Variants in MED4 observed in about 807,000 individuals in gnomAD.
The protein encoded by MED4 is mediator of RNA polymerase II transcription subunit 4.
MED4 carries 21 observed loss-of-function variants against 35.0 expected under a neutral mutation model. The ratio of observed to expected loss-of-function variants is 0.60; its 90% CI spans 0.43 to 0.86. The LOEUF is 0.86. Among genes scored for constraint, MED4 ranks in the 40% least tolerant of loss-of-function variants. The pLI, the probability that MED4 is intolerant of heterozygous loss-of-function variation, is 0.00. For missense variants in MED4, 300 were observed against 319.4 expected (o/e 0.94, Z 0.46); for synonymous variants, 138 against 114.0 (o/e 1.21, Z -1.34).
intron 1 of MED4, among the ~76,000 whole-genome samples, chr13:48,092,304 G>C (rs529882559): frequency 6.6e-6 from 1 of 151,822 alleles, no homozygotes; most frequent in South Asian, 2.1e-4. Flanking sequence ...TACAGATGGG[G>C]TTTCTCCCTG....
intron 6 of MED4, among the ~76,000 whole-genome samples, chr13:48,079,274 A>G (rs1325228271): frequency 2.6e-5 from 4 of 152,352 alleles, no homozygotes; most frequent in Admixed American, 1.3e-4. Context: ...ATGTTTCACA[A>G]TTATAAAAAA....
chr13:48,077,491 T>A, intron 6 of MED4, 180 bp from the exon 7 acceptor site: 1 of 447,532 alleles, frequency 2.2e-6, no homozygotes. Flanking sequence ...AATACATCAC[T>A]GAAGCCCTGA....
chr13:48,088,646 T>C (rs1301193748), intron 2 of MED4, among the ~76,000 whole-genome samples: 1 of 152,214 alleles, frequency 6.6e-6, no homozygotes, highest in Non-Finnish European at 1.5e-5. Context: ...ATATTCTCTT[T>C]AGATCTTATT....
In MED4 at chr13:48,086,347, C is replaced by T. The variant is rs758351612; in HGVS notation, c.298G>A (p.Val100Ile). 2 of 1,613,740 alleles carry T rather than the reference C, an allele frequency of 1.2e-6. No individual in the cohort carries two copies. Among genetic ancestry groups the T allele is most frequent in the East Asian group, 2.2e-5 (1 of 44,792 alleles). The change falls in exon 3 of 7, where the codon GTA becomes ATA. Residue 100 changes from valine (V) to isoleucine (I), a missense_variant. Transcript: ENST00000258648. ...TGAATATCACTGTCTCTCTTCTCTA[C>T]TTCTTTTTCTAAAACTTGCATTTCA... ...HHEMQVLEKE[V>I]EKRDSDIQQL...
rs577431385 is a variant in MED4 at position 48,076,329 on chromosome 13, A to C, written c.*810T>G. The stretch of plus-strand genomic sequence containing the variant: ...GGGAACTGTAAGAAGAGGAAGGTGA[A>C]GGGAAGAAATGGTTGCTTTCCATTC... On this transcript the variant is annotated 3_prime_UTR_variant, in exon 7 of 7. Coordinates refer to ENST00000258648, the MANE Select transcript of MED4 (RefSeq NM_014166.4). The C allele has an allele frequency of 1.2e-4, 19 of 152,310 alleles. No homozygotes were observed. The highest frequency in any genetic ancestry group is 1.1e-3 in the Admixed American group (17 of 15,300). The allele number at this position is 152,310 out of a possible 1,614,324, so 9.4% of individuals were successfully genotyped here.
chr13:48,092,215 C>T (rs1950894701), intron 1 of MED4, among the ~76,000 whole-genome samples: 1 of 152,182 alleles, frequency 6.6e-6, no homozygotes, highest in African/African-American at 2.4e-5. Flanking sequence ...TCAAAGAATT[C>T]TCCTGCCTCA....
intron 4 of MED4, among the ~76,000 whole-genome samples, chr13:48,083,096 A>G (rs550938644): frequency 6.6e-6 from 1 of 152,196 alleles, no homozygotes. Context: ...TCCCTCTCCC[A>G]CCAATTTTAT....
intron 2 of MED4, among the ~76,000 whole-genome samples, chr13:48,089,254 T>C (rs1950873659): frequency 6.6e-6 from 1 of 152,208 alleles, no homozygotes; most frequent in Non-Finnish European, 1.5e-5. Flanking sequence ...TGTGGCCTCA[T>C]CTGGATCCCC....
intron 1 of MED4, among the ~76,000 whole-genome samples, chr13:48,093,864 T>C (rs1223773578): frequency 6.6e-6 from 1 of 152,244 alleles, no homozygotes; most frequent in Non-Finnish European, 1.5e-5. Context: ...ATATCACGTA[T>C]ATTTTAAAAT....
intron 6 of MED4, 55 bp downstream of exon 6, chr13:48,079,789 T>C (rs1950790531): frequency 1.3e-6 from 2 of 1,579,394 alleles, no homozygotes; most frequent in African/African-American, 1.4e-5. Context: ...ATTCCAACCT[T>C]GTCATCTCTG....
intron 4 of MED4, among the ~76,000 whole-genome samples, chr13:48,082,662 CT>C (rs1950818195): frequency 6.6e-6 from 1 of 152,126 alleles, no homozygotes; most frequent in Admixed American, 6.5e-5. Flanking sequence ...CCCGTCTCTA[CT>C]AAAAATACAA....
chr13:48,082,694 G>A (rs1950818445), intron 4 of MED4, among the ~76,000 whole-genome samples: 1 of 152,142 alleles, frequency 6.6e-6, no homozygotes, highest in Non-Finnish European at 1.5e-5. Context: ...GGGTGTGGTG[G>A]CGGGCGCCTG....
At chr13:48,094,923 T>C in intron 1 of MED4, 31 bp downstream of exon 1, 2 of 1,595,582 alleles carry the variant, frequency 1.3e-6, no homozygotes, top group Non-Finnish European at 1.7e-6. Context: ...CCGGCCCAGC[T>C]CCAGCCCGGC....
intron 1 of MED4, among the ~76,000 whole-genome samples, chr13:48,092,649 T>C (rs1449375447): frequency 6.6e-6 from 1 of 152,218 alleles, no homozygotes; most frequent in Non-Finnish European, 1.5e-5. Context: ...CATGGACAGA[T>C]TTCAGATATC....
At position 48,078,513 on chromosome 13, in the gene MED4, C is replaced by T. The variant is rs191384640; in HGVS notation, c.641-1202G>A. ...TCACCAGAATCCCAAAGGGCAGCTTCCCAGCAAGTCTCCCTGGAACCCCAG... is the reference window on the plus strand; with the variant it reads ...TCACCAGAATCCCAAAGGGCAGCTTTCCAGCAAGTCTCCCTGGAACCCCAG... On this transcript the variant is annotated intron_variant, in intron 6 of 6. Coordinates refer to ENST00000258648, the MANE Select transcript of MED4 (RefSeq NM_014166.4). Among the ~76,000 whole-genome samples the T allele has an allele frequency of 9.8e-4, 150 of 152,298 alleles. No individual in the cohort carries two copies. In the Middle Eastern group the frequency reaches 0.024, roughly 24 times the overall value.
chr13:48,079,181 T>C (rs190677964), intron 6 of MED4, among the ~76,000 whole-genome samples: 40 of 152,360 alleles, frequency 2.6e-4, no homozygotes, highest in Non-Finnish European at 5.7e-4. Flanking sequence ...TAAAAAGCTA[T>C]TGTTATTCAT....
chr13:48,079,949 C>T lies in MED4; in HGVS notation c.535G>A (p.Asp179Asn). Residue 179 changes from aspartate to asparagine, a missense_variant, in exon 6 of 7, where the codon GAT becomes AAT. Coordinates refer to ENST00000258648, the MANE Select transcript of MED4 (RefSeq NM_014166.4). ...PGDPRRPYPT[D>N]LEMRSGLLGQ... ...AGTAACCCACTTCTCATCTCTAAAT[C>T]AGTTGGGTAGGGTCTCCGGGGGTCC... 1 of 1,613,896 alleles carries T rather than the reference C, an allele frequency of 6.2e-7. No individual in the cohort carries two copies. Among genetic ancestry groups the T allele is most frequent in the Non-Finnish European group, 8.5e-7 (1 of 1,179,830 alleles).
intron 1 of MED4, among the ~76,000 whole-genome samples, chr13:48,090,846 ACT>A (rs1056749808): frequency 2.0e-5 from 3 of 152,080 alleles, no homozygotes; most frequent in African/African-American, 7.2e-5. Flanking sequence ...TGCAAGAAAA[ACT>A]CATACATCAG....
In MED4 at chr13:48,083,317, C is replaced by A. The variant is rs954292433; in HGVS notation, c.421+54G>T. The A allele has an allele frequency of 5.6e-6, 8 of 1,423,210 alleles. No individual in the cohort carries two copies. In the Admixed American group the frequency reaches 1.6e-4, roughly 28 times the overall value. The allele number at this position is 1,423,210 out of a possible 1,614,324, so 88.2% of individuals were successfully genotyped here. ...CAGTAATATCCTCTTGTATTGGTTT[C>A]CTGAAACCAGAACCTTAACTTTTCA... On this transcript the variant is annotated intron_variant, in intron 4 of 6. Transcript: ENST00000258648.
Sources: gnomAD v4.1 joint callset for allele counts (sites outside exome capture counted in the v4.1 genomes callset) on GRCh38, gnomAD v4.1.1 for gene constraint, MANE v1.5 for transcripts, NCBI Gene and HGNC (gene_info 2026-07-23, HGNC 2026-07-21) for gene names.